Variants in CEACAM5 observed in about 807,000 individuals in gnomAD.
CEACAM5 encodes the protein CEA cell adhesion molecule 5.
A neutral mutation model predicts 63.0 loss-of-function variants in CEACAM5; 52 were observed. The observed-to-expected ratio is 0.83, with a 90% CI of 0.66 to 1.04. The LOEUF is 1.04. Among genes scored for constraint, CEACAM5 ranks in the 50% least tolerant of loss-of-function variants. CEACAM5 has a pLI of 0.00. For missense variants in CEACAM5, 790 were observed against 864.8 expected, an observed-to-expected ratio of 0.91 and a Z score of 1.08; for synonymous variants, 357 against 351.3, an observed-to-expected ratio of 1.02 and a Z score of -0.18.
intron 2 of CEACAM5, among the ~76,000 whole-genome samples, chr19:41,712,944 C>CG (rs1555814300): frequency 8.5e-5 from 13 of 152,102 alleles, no homozygotes; most frequent in African/African-American, 3.1e-4. Context: ...ATCCCAAATC[C>CG]TAAAATCCAA....
At chr19:41,724,137 T>A (rs1261227676) in intron 8 of CEACAM5, among the ~76,000 whole-genome samples, 2 of 152,152 alleles carry the variant, frequency 1.3e-5, no homozygotes, top group Non-Finnish European at 2.9e-5. Flanking sequence ...CCATTTTAGG[T>A]TAATTTGCAT....
chr19:41,720,146 T>C lies in CEACAM5; in HGVS notation c.1709T>C (p.Val570Ala), dbSNP rs1555815886. 2 of 1,614,114 alleles carry C rather than the reference T, an allele frequency of 1.2e-6. No homozygotes were observed. Among genetic ancestry groups the C allele is most frequent in the African/African-American group, 2.7e-5 (2 of 74,944 alleles). Residue 570 changes from valine to alanine, a missense_variant, in exon 7 of 10, where the codon GTA becomes GCA. Val to Ala is a moderately conservative substitution (Grantham distance 64, BLOSUM62 0). Transcript: ENST00000221992. Reference protein sequence around the residue: ...NVTRNDARAYVCGIQNSVSAN... With the variant: ...NVTRNDARAYACGIQNSVSAN... ...ACAAGAAATGACGCAAGAGCCTATG[T>C]ATGTGGAATCCAGAACTCAGTGAGT...
At position 41,730,339 on chromosome 19, in the gene CEACAM5, A is replaced by G. The variant is rs563137229; in HGVS notation, c.*1192A>G. On this transcript the variant is annotated 3_prime_UTR_variant, in exon 10 of 10. Coordinates refer to ENST00000221992, the MANE Select transcript of CEACAM5 (RefSeq NM_004363.6). Reference sequence around the variant, plus strand: ...CAGGAGGCTGAGGCAGGAGAACGGCATGAACCCGGGAGGCAGGGCTTGCAG... The same window carrying G: ...CAGGAGGCTGAGGCAGGAGAACGGCGTGAACCCGGGAGGCAGGGCTTGCAG... Among the ~76,000 whole-genome samples the G allele has an allele frequency of 2.0e-5, 3 of 151,604 alleles. No homozygotes were observed. The highest frequency in any genetic ancestry group is 2.4e-5 in the African/African-American group (1 of 41,182).
intron 7 of CEACAM5, among the ~76,000 whole-genome samples, chr19:41,720,650 A>C (rs2072604897): frequency 6.6e-6 from 1 of 151,670 alleles, no homozygotes. Context: ...GGGATTACAC[A>C]CACGTGCCGC....
At chr19:41,713,039 G>T (rs1437810804) in intron 2 of CEACAM5, among the ~76,000 whole-genome samples, 1 of 152,210 alleles carries the variant, frequency 6.6e-6, no homozygotes, top group Admixed American at 6.5e-5. Flanking sequence ...GGGCACGGTG[G>T]CTCATGCCTG....
In CEACAM5 at chr19:41,727,225, A is replaced by G. The variant is rs782728871; in HGVS notation, c.2027-9A>G. Reference sequence around the variant, plus strand: ...TCCTTCTCTTTTCTTTCCATGACGGACGATTCAGCATCTGGAACTTCTCCT... The same window carrying G: ...TCCTTCTCTTTTCTTTCCATGACGGGCGATTCAGCATCTGGAACTTCTCCT... On this transcript the variant is annotated splice_polypyrimidine_tract_variant and intron_variant, in intron 8 of 9. Coordinates refer to ENST00000221992, the MANE Select transcript of CEACAM5 (RefSeq NM_004363.6). 3 of 1,606,900 alleles carry G rather than the reference A, an allele frequency of 1.9e-6. No homozygotes were observed. The highest frequency in any genetic ancestry group is 2.6e-6 in the Non-Finnish European group (3 of 1,173,296).
At chr19:41,720,876 C>T in intron 7 of CEACAM5, 46 bp from the exon 8 acceptor site, 1 of 1,606,022 alleles carries the variant, frequency 6.2e-7, no homozygotes, top group African/African-American at 1.3e-5. Context: ...GGAGCTTCCC[C>T]TTTCCTCTGA....
At chr19:41,717,352 T>C in intron 4 of CEACAM5, 103 bp from the exon 5 acceptor site, 1 of 1,257,094 alleles carries the variant, frequency 8.0e-7, no homozygotes, top group Non-Finnish European at 1.1e-6. Context: ...TTTTAAGGAC[T>C]CAGTTGGGCT....
chr19:41,722,123 T>C (rs1349823233), intron 8 of CEACAM5, among the ~76,000 whole-genome samples: 2 of 151,874 alleles, frequency 1.3e-5, no homozygotes, highest in East Asian at 3.9e-4. Context: ...TATTGCCCGG[T>C]GTGGTGGCTC....
At chr19:41,728,803 A>AAAAAAAAAAAAG (rs1230457032) in intron 9 of CEACAM5, among the ~76,000 whole-genome samples, 5 of 151,392 alleles carry the variant, frequency 3.3e-5, no homozygotes, top group African/African-American at 9.7e-5. Flanking sequence ...AAAAAAAAAA[A>AAAAAAAAAAAAG]AAGAATTGCC....
intron 8 of CEACAM5, among the ~76,000 whole-genome samples, chr19:41,722,765 C>A (rs1468542854): frequency 2.0e-5 from 3 of 152,310 alleles, no homozygotes; most frequent in Middle Eastern, 3.4e-3. Context: ...TTGTTTCCAC[C>A]TTTTGGCTAT....
At chr19:41,709,537 G>GACAC (rs71334990) in intron 1 of CEACAM5, 143 bp from the exon 2 acceptor site, 43,691 of 1,108,022 alleles carry the variant, frequency 0.039, 232 homozygotes, top group African/African-American at 0.044. Context: ...GACCTAGTAG[G>GACAC]ACACACACAC....
At chr19:41,725,032 T>G (rs563859926) in intron 8 of CEACAM5, among the ~76,000 whole-genome samples, 1 of 152,278 alleles carries the variant, frequency 6.6e-6, no homozygotes, top group African/African-American at 2.4e-5. Context: ...GTCTTGTTCC[T>G]GGTCTTACAG....
chr19:41,719,835 G>A (rs2072588746), intron 6 of CEACAM5, 95 bp from the exon 7 acceptor site: 3 of 1,574,784 alleles, frequency 1.9e-6, no homozygotes, highest in African/African-American at 2.7e-5. Flanking sequence ...GACTCGGGTG[G>A]GCTGAAGGGT....
At chr19:41,719,778 A>G (rs2072587653) in intron 6 of CEACAM5, 152 bp from the exon 7 acceptor site, 3 of 1,405,300 alleles carry the variant, frequency 2.1e-6, no homozygotes, top group Non-Finnish European at 2.9e-6. Context: ...CCCTCAGATC[A>G]TCGTACATCT....
intron 3 of CEACAM5, 169 bp downstream of exon 3, chr19:41,715,418 C>A: frequency 8.3e-7 from 1 of 1,199,214 alleles, no homozygotes; most frequent in Non-Finnish European, 1.2e-6. Flanking sequence ...CAAGTCTTGA[C>A]CAAGAATAGG....
intron 3 of CEACAM5, 164 bp from the exon 4 acceptor site, chr19:41,715,486 A>G: frequency 8.8e-7 from 1 of 1,135,716 alleles, no homozygotes; most frequent in Non-Finnish European, 1.3e-6. Flanking sequence ...TGATGGGAGA[A>G]ACAGGTGAAT....
intron 2 of CEACAM5, among the ~76,000 whole-genome samples, chr19:41,713,937 G>A (rs539489461): frequency 4.6e-5 from 7 of 152,256 alleles, no homozygotes; most frequent in African/African-American, 9.6e-5. Context: ...AAGACAGGCC[G>A]GGTGCAGTGG....
intron 4 of CEACAM5, 33 bp from the exon 5 acceptor site, chr19:41,717,422 C>G: frequency 1.3e-6 from 2 of 1,593,306 alleles, no homozygotes; most frequent in Non-Finnish European, 1.7e-6. Context: ...ACAGGTGCCA[C>G]ACAGGGCAAT....
Sources: allele counts gnomAD v4.1 joint callset (sites outside exome capture counted in the v4.1 genomes callset), GRCh38; gene constraint gnomAD v4.1.1; transcripts MANE v1.5; gene names NCBI Gene and HGNC (gene_info 2026-07-23, HGNC 2026-07-21).